Variants in ATP11A observed in about 807,000 individuals in gnomAD.
ATP11A encodes ATPase phospholipid transporting 11A.
A neutral mutation model predicts 154.4 loss-of-function variants in ATP11A; 81 were observed. The observed-to-expected ratio is 0.52, with a 90% CI of 0.44 to 0.63. ATP11A has a LOEUF of 0.63. Among genes scored for constraint, ATP11A ranks in the 30% least tolerant of loss-of-function variants. The probability of loss-of-function intolerance (pLI) is 0.00; values close to 1 mark genes in which losing one functional copy is unlikely to be tolerated. For missense variants in ATP11A, 1,316 were observed against 1,474.3 expected (o/e 0.89, Z 1.76); for synonymous variants, 623 against 585.9 (o/e 1.06, Z -0.91).
chr13:112,852,496 C>T (rs139840619), intron 18 of ATP11A, among the ~76,000 whole-genome samples: 6 of 152,300 alleles, frequency 3.9e-5, no homozygotes, highest in Non-Finnish European at 7.3e-5. Context: ...GCGACTTGCA[C>T]GTGGGAAGGC....
intron 1 of ATP11A, among the ~76,000 whole-genome samples, chr13:112,751,902 CATT>C (rs2076701875): frequency 6.6e-6 from 1 of 152,190 alleles, no homozygotes; most frequent in Non-Finnish European, 1.5e-5. Context: ...TGTCTTTTGA[CATT>C]ATGGTATACA....
At chr13:112,790,073 C>T (rs1397395645) in intron 2 of ATP11A, among the ~76,000 whole-genome samples, 3 of 149,062 alleles carry the variant, frequency 2.0e-5, no homozygotes, top group South Asian at 2.2e-4. Flanking sequence ...GGCATCCTGA[C>T]GTGTAGACTC....
intron 1 of ATP11A, among the ~76,000 whole-genome samples, chr13:112,776,499 C>G (rs890179658): frequency 6.6e-6 from 1 of 152,186 alleles, no homozygotes; most frequent in African/African-American, 2.4e-5. Context: ...GATAATTGAT[C>G]GGGTGTGAGT....
intron 12 of ATP11A, among the ~76,000 whole-genome samples, chr13:112,829,461 A>C (rs1391671487): frequency 6.6e-6 from 1 of 152,226 alleles, no homozygotes; most frequent in Non-Finnish European, 1.5e-5. Flanking sequence ...GAAGGACAAA[A>C]CCATATGATT....
rs766554206 is a variant in ATP11A at position 112,832,956 on chromosome 13, G to C, written c.1492G>C (p.Gly498Arg). 2 of 1,613,884 alleles carry C rather than the reference G, an allele frequency of 1.2e-6. No individual in the cohort carries two copies. The highest frequency in any genetic ancestry group is 1.7e-6 in the Non-Finnish European group (2 of 1,179,896). The change falls in exon 14 of 30, where the codon GGG (glycine) becomes CGG (arginine). Residue 498 changes from glycine (G) to arginine (R), a missense_variant. This residue lies in a region of ATP11A where 876 missense variants were observed against 1,006.8 expected (regional missense o/e 0.87). Coordinates refer to ENST00000375645, the MANE Select transcript of ATP11A (RefSeq NM_015205.3). ...AGACGGCCCCAGGAAATCGCCGGACGGGGGGAAATCCTGTGTGTACATCTC... is the reference window on the plus strand; with the variant it reads ...AGACGGCCCCAGGAAATCGCCGGACCGGGGGAAATCCTGTGTGTACATCTC... Reference protein sequence around the residue: ...SVDGPRKSPDGGKSCVYISSS... With the variant: ...SVDGPRKSPDRGKSCVYISSS...
intron 1 of ATP11A, among the ~76,000 whole-genome samples, chr13:112,724,097 TCCCCATCGCCCCCTTCGCCCCCTTCTC>T (rs1189849077): frequency 6.9e-5 from 9 of 131,322 alleles, no homozygotes; most frequent in Admixed American, 2.3e-4. Context: ...GCCCCTATCG[TCCCCATCGCCCCCTTCGCCCCCTTCTC>T]CCCCATCGCC....
chr13:112,702,816 G>T (rs1407377924), intron 1 of ATP11A, among the ~76,000 whole-genome samples: 2 of 152,246 alleles, frequency 1.3e-5, no homozygotes, highest in Admixed American at 1.3e-4. Flanking sequence ...CCCCACCTCG[G>T]TGTCTCAGGG....
At chr13:112,719,117 T>C (rs282566) in intron 1 of ATP11A, among the ~76,000 whole-genome samples, 129,240 of 152,082 alleles carry the variant, frequency 0.85, 56,681 homozygotes, top group Non-Finnish European at 0.96. Context: ...AATGCCATCT[T>C]GGTGAACAGT....
At position 112,785,045 on chromosome 13, in the gene ATP11A, C is replaced by T. The variant is rs1344629467; in HGVS notation, c.40-90C>T. 6 of 1,354,082 alleles carry T rather than the reference C, an allele frequency of 4.4e-6. No homozygotes were observed. In the African/African-American group the frequency reaches 6.0e-5, roughly 14 times the overall value. The allele number at this position is 1,354,082 out of a possible 1,614,324, so 83.9% of individuals were successfully genotyped here. A position where few individuals can be genotyped will look rare whatever the true frequency, so the allele number is the denominator to read the frequency against. On this transcript the variant is annotated intron_variant, in intron 1 of 29. Coordinates refer to ENST00000375645, the MANE Select transcript of ATP11A (RefSeq NM_015205.3). The surrounding 1 kb of genome is among the most constrained non-coding windows in gnomAD (Gnocchi z 4.8). ...TCAGCAGCAGGTACAGGTCTCCGTT[C>T]CGACGAACGTGCCTCAAGGCAACAC...
chr13:112,710,426 G>GA (rs1249802356), intron 1 of ATP11A, among the ~76,000 whole-genome samples: 1 of 152,140 alleles, frequency 6.6e-6, no homozygotes, highest in Non-Finnish European at 1.5e-5. Flanking sequence ...CCGCTCCCCA[G>GA]AAAACAAGCG....
intron 1 of ATP11A, among the ~76,000 whole-genome samples, chr13:112,700,431 T>C (rs1365433491): frequency 1.3e-5 from 2 of 152,138 alleles, no homozygotes; most frequent in African/African-American, 4.8e-5. Flanking sequence ...CCCCAAGGGT[T>C]GTATCCACAG....
At chr13:112,769,868 TC>T (rs2077185633) in intron 1 of ATP11A, among the ~76,000 whole-genome samples, 1 of 152,188 alleles carries the variant, frequency 6.6e-6, no homozygotes, top group African/African-American at 2.4e-5. Context: ...TCCCGTGCCA[TC>T]CCACGCGGCT....
intron 1 of ATP11A, among the ~76,000 whole-genome samples, chr13:112,783,905 G>A (rs1007732549): frequency 1.3e-5 from 2 of 152,206 alleles, no homozygotes; most frequent in Non-Finnish European, 2.9e-5. Flanking sequence ...ATACAGAGAT[G>A]GTCAGGCCCA....
Position 112,823,248 on chromosome 13 carries a change from G to C in ATP11A, c.726-97G>C, listed in dbSNP as rs766960784. The C allele has an allele frequency of 1.6e-5, 14 of 876,792 alleles. No individual in the cohort carries two copies. In the Admixed American group the frequency reaches 2.0e-4, roughly 12 times the overall value. The allele number at this position is 876,792 out of a possible 1,614,324, so 54.3% of individuals were successfully genotyped here. Reference sequence around the variant, plus strand: ...GCCATCTCCTCTGAAAATGAGATCTGCTGAGCAAACAAGTGGGTTTCACGT... The same window carrying C: ...GCCATCTCCTCTGAAAATGAGATCTCCTGAGCAAACAAGTGGGTTTCACGT... On this transcript the variant is annotated intron_variant, in intron 8 of 29. Transcript: ENST00000375645.
At chr13:112,787,628 T>C (rs1345481306) in intron 2 of ATP11A, among the ~76,000 whole-genome samples, 3 of 86,952 alleles carry the variant, frequency 3.5e-5, no homozygotes, top group Non-Finnish European at 7.1e-5. Context: ...CCTACTTAAT[T>C]CACACCAAGT....
At chr13:112,762,244 A>C (rs950808272) in intron 1 of ATP11A, among the ~76,000 whole-genome samples, 1 of 151,990 alleles carries the variant, frequency 6.6e-6, no homozygotes, top group Non-Finnish European at 1.5e-5. Flanking sequence ...CTGGCCTCCT[A>C]TCACAGCGAG....
intron 25 of ATP11A, among the ~76,000 whole-genome samples, chr13:112,869,791 G>T (rs1031101136): frequency 6.6e-6 from 1 of 152,250 alleles, no homozygotes; most frequent in African/African-American, 2.4e-5. Context: ...ACATGTGCTT[G>T]TAGGCTGCTG....
rs187660717 is a variant in ATP11A at position 112,858,081 on chromosome 13, C to T, written c.2522-64C>T. 1.0e-5 allele frequency: 16 copies of T among 1,587,946 alleles called. No homozygotes were observed. The Admixed American group carries it at 1.2e-4, about 12-fold the overall frequency. On this transcript the variant is annotated intron_variant, in intron 21 of 29. Coordinates refer to ENST00000375645, the MANE Select transcript of ATP11A (RefSeq NM_015205.3). ...TGATGGTTTCATCCGTTCTTCTCCCCGTCCCTGCCCTGTGTGTGGTGTGCA... is the reference window on the plus strand; with the variant it reads ...TGATGGTTTCATCCGTTCTTCTCCCTGTCCCTGCCCTGTGTGTGGTGTGCA...
chr13:112,704,781 G>GA (rs1223958119), intron 1 of ATP11A, among the ~76,000 whole-genome samples: 1 of 152,250 alleles, frequency 6.6e-6, no homozygotes, highest in African/African-American at 2.4e-5. Context: ...CTGCTTCAGA[G>GA]AAAAGAGGAT....
Sources: gnomAD v4.1 joint callset for allele counts (sites outside exome capture counted in the v4.1 genomes callset) on GRCh38, gnomAD v4.1.1 for gene constraint, gnomAD v4.1.1 regional missense constraint, Gnocchi (gnomAD v3.1) non-coding constraint, MANE v1.5 for transcripts, NCBI Gene and HGNC (gene_info 2026-07-23, HGNC 2026-07-21) for gene names.